Variants in GOLM1 observed in about 807,000 individuals in gnomAD.
GOLM1 encodes golgi membrane protein 1.
A neutral mutation model predicts 50.5 loss-of-function variants in GOLM1; 31 were observed. The ratio of observed to expected loss-of-function variants is 0.61; its 90% CI spans 0.46 to 0.83. The LOEUF (loss-of-function observed/expected upper bound fraction) is 0.83. Ranked by LOEUF, GOLM1 falls within the 40% of genes least tolerant of loss-of-function variation. GOLM1 has a pLI of 0.00. For missense variants in GOLM1, 491 were observed against 501.3 expected, an observed-to-expected ratio of 0.98 and a Z score of 0.20; for synonymous variants, 178 against 192.8, an observed-to-expected ratio of 0.92 and a Z score of 0.64.
chr9:86,088,321 CTT>C (rs1835042948), intron 1 of GOLM1, among the ~76,000 whole-genome samples: 1 of 149,184 alleles, frequency 6.7e-6, no homozygotes, highest in African/African-American at 2.5e-5. Context: ...CTATTTCAGT[CTT>C]CTCTCTTTTC....
Position 86,027,597 on chromosome 9 carries a change from TTG to T in GOLM1, c.*218_*219del, listed in dbSNP as rs1326862063. On this transcript the variant is annotated 3_prime_UTR_variant, in exon 10 of 10. Transcript: ENST00000388712. ...CTCACGAAATACCTACTACCAAAAA[TTG>T]TGACACCTTATTAGACACTTCCAAA... 3.0e-6 allele frequency: 4 copies of T among 1,314,010 alleles called. No individual in the cohort carries two copies. In the East Asian group the frequency reaches 9.3e-5, roughly 31 times the overall value. The allele number at this position is 1,314,010 out of a possible 1,614,324, so 81.4% of individuals were successfully genotyped here.
chr9:86,084,363 T>C (rs1274439206), intron 1 of GOLM1, among the ~76,000 whole-genome samples: 2 of 152,180 alleles, frequency 1.3e-5, no homozygotes, highest in African/African-American at 2.4e-5. Flanking sequence ...TTGGTATCCC[T>C]GATAATGAGG....
At chr9:86,044,385 C>T (rs1201013034) in intron 5 of GOLM1, among the ~76,000 whole-genome samples, 2 of 152,286 alleles carry the variant, frequency 1.3e-5, no homozygotes, top group African/African-American at 2.4e-5. Context: ...GAAGATATTA[C>T]GGCAGGTGGA....
intron 6 of GOLM1, among the ~76,000 whole-genome samples, chr9:86,040,193 T>G (rs1464908824): frequency 6.6e-6 from 1 of 152,108 alleles, no homozygotes; most frequent in African/African-American, 2.4e-5. Context: ...GTGAATATAC[T>G]CAGAACCCAT....
chr9:86,048,125 T>C (rs1833616165), intron 4 of GOLM1, among the ~76,000 whole-genome samples: 1 of 150,110 alleles, frequency 6.7e-6, no homozygotes, highest in African/African-American at 2.5e-5. Flanking sequence ...CATGCGGTGT[T>C]TGGTTTTCTG....
At chr9:86,064,890 G>C (rs1479762564) in intron 3 of GOLM1, among the ~76,000 whole-genome samples, 1 of 152,204 alleles carries the variant, frequency 6.6e-6, no homozygotes, top group Non-Finnish European at 1.5e-5. Context: ...GAACCACAAA[G>C]GCTCGGAAGC....
chr9:86,083,155 T>C (rs1304167564), intron 1 of GOLM1, among the ~76,000 whole-genome samples: 1 of 152,182 alleles, frequency 6.6e-6, no homozygotes, highest in Non-Finnish European at 1.5e-5. Context: ...CAGGACCCCC[T>C]GAGGACACCA....
intron 3 of GOLM1, among the ~76,000 whole-genome samples, chr9:86,057,607 C>T (rs1346967541): frequency 2.0e-5 from 3 of 151,472 alleles, no homozygotes; most frequent in South Asian, 2.1e-4. Flanking sequence ...CCTTGCCTAG[C>T]GTGGGGCCTG....
intron 5 of GOLM1, among the ~76,000 whole-genome samples, chr9:86,045,808 A>G (rs546459381): frequency 6.6e-5 from 10 of 152,216 alleles, no homozygotes; most frequent in South Asian, 4.1e-4. Context: ...GACTGGAGAG[A>G]GGTAAGTCAA....
At chr9:86,070,539 C>A (rs1834418766) in intron 3 of GOLM1, among the ~76,000 whole-genome samples, 1 of 151,580 alleles carries the variant, frequency 6.6e-6, no homozygotes, top group African/African-American at 2.4e-5. Flanking sequence ...CCACTGCACT[C>A]CAGCCTGGGC....
intron 9 of GOLM1, among the ~76,000 whole-genome samples, chr9:86,031,752 C>T (rs1280200537): frequency 1.3e-5 from 2 of 151,742 alleles, no homozygotes; most frequent in Admixed American, 6.6e-5. Flanking sequence ...TTAGCCACCA[C>T]GCCCAGCTGA....
At chr9:86,070,045 G>A (rs189322082) in intron 3 of GOLM1, among the ~76,000 whole-genome samples, 7 of 151,742 alleles carry the variant, frequency 4.6e-5, no homozygotes, top group Admixed American at 3.3e-4. Context: ...CACCACACCC[G>A]GATAATTTTT....
At chr9:86,035,670 TTA>T in intron 7 of GOLM1, 45 bp from the exon 8 acceptor site, 11 of 1,296,972 alleles carry the variant, frequency 8.5e-6, no homozygotes, top group South Asian at 3.0e-5. Context: ...AGCATTTGAT[TTA>T]AAAAAAAAAA....
Position 86,077,397 on chromosome 9 carries a change from C to T in GOLM1, c.309+15G>A. On this transcript the variant is annotated intron_variant, in intron 3 of 9. Transcript: ENST00000388712. ...CCCTTAGAAAAGAACTGAGAGGAAA[C>T]AAAGCAGGCCTTGCCTTTTCGTCCT... 3 of 1,608,064 alleles carry T rather than the reference C, an allele frequency of 1.9e-6. No individual in the cohort carries two copies. Among genetic ancestry groups the T allele is most frequent in the Non-Finnish European group, 2.6e-6 (3 of 1,174,490 alleles).
At chr9:86,079,422 G>C in intron 1 of GOLM1, 81 bp from the exon 2 acceptor site, 1 of 1,162,680 alleles carries the variant, frequency 8.6e-7, no homozygotes, top group East Asian at 2.4e-5. Flanking sequence ...TTACAACCAA[G>C]AGGAAAGGAG....
chr9:86,047,501 AC>A (rs1833588423), intron 4 of GOLM1, among the ~76,000 whole-genome samples: 1 of 152,002 alleles, frequency 6.6e-6, no homozygotes, highest in Admixed American at 6.6e-5. Flanking sequence ...GGCGAAGAGA[AC>A]AGCTGGGTGG....
chr9:86,054,429 G>A (rs908830002), intron 3 of GOLM1, among the ~76,000 whole-genome samples: 78 of 152,252 alleles, frequency 5.1e-4, no homozygotes, highest in Admixed American at 1.0e-3. Flanking sequence ...TCACCATGTT[G>A]GCCAGGCTGG....
Position 86,026,640 on chromosome 9 carries a change from T to G in GOLM1, c.*1177A>C, listed in dbSNP as rs961957137. 2.1e-5 allele frequency: 21 copies of G among 984,792 alleles called. No individual in the cohort carries two copies. The highest frequency in any genetic ancestry group is 5.2e-5 in the African/African-American group (3 of 57,226). The allele number at this position is 984,792 out of a possible 1,614,324, so 61.0% of individuals were successfully genotyped here. On this transcript the variant is annotated 3_prime_UTR_variant, in exon 10 of 10. Transcript: ENST00000388712. ...AGAGCCTTACTGGGAAGTCAGTCAT[T>G]AATGATGTGGCCAGTTATTTGCAAG... is the stretch of plus-strand genomic sequence containing the variant.
At chr9:86,038,287 C>T (rs557020565) in intron 6 of GOLM1, among the ~76,000 whole-genome samples, 1 of 152,100 alleles carries the variant, frequency 6.6e-6, no homozygotes, top group Non-Finnish European at 1.5e-5. Context: ...CAGTGAACAT[C>T]AGAGAAAAAT....
Sources: allele counts gnomAD v4.1 joint callset (sites outside exome capture counted in the v4.1 genomes callset), GRCh38; gene constraint gnomAD v4.1.1; transcripts MANE v1.5; gene names NCBI Gene and HGNC (gene_info 2026-07-23, HGNC 2026-07-21).